Variants in PTPRG observed in about 807,000 individuals in gnomAD.
The protein encoded by PTPRG is protein tyrosine phosphatase receptor type G.
In PTPRG, 102 loss-of-function variants were observed where a neutral mutation model predicts 165.3. That is an observed-to-expected ratio of 0.62 (90% CI 0.53 to 0.73). The LOEUF is 0.73. Ranked by LOEUF, PTPRG falls within the 30% of genes least tolerant of loss-of-function variation. PTPRG has a pLI of 0.00. For synonymous variants in PTPRG, 675 were observed against 669.5 expected (o/e 1.01, Z -0.13); for missense variants, 1,866 against 1,861.4 (o/e 1.00, Z -0.05).
chr3:62,291,789 C>A (rs916067120), intron 28 of PTPRG, among the ~76,000 whole-genome samples: 2 of 152,118 alleles, frequency 1.3e-5, no homozygotes, highest in African/African-American at 4.8e-5. Flanking sequence ...GAGTTGCCAA[C>A]CTGGCCTGAT....
At chr3:62,149,092 C>G (rs1193370462) in intron 6 of PTPRG, among the ~76,000 whole-genome samples, 1 of 152,156 alleles carries the variant, frequency 6.6e-6, no homozygotes, top group Non-Finnish European at 1.5e-5. Flanking sequence ...TTGCAGATGG[C>G]CCTACTTTGC....
At chr3:61,911,491 A>G (rs565933943) in intron 2 of PTPRG, among the ~76,000 whole-genome samples, 23 of 152,236 alleles carry the variant, frequency 1.5e-4, no homozygotes, top group Non-Finnish European at 2.5e-4. Flanking sequence ...AATACATTTA[A>G]TTGCATTTTT....
intron 1 of PTPRG, among the ~76,000 whole-genome samples, chr3:61,675,802 A>G (rs1479797326): frequency 6.6e-6 from 1 of 152,192 alleles, no homozygotes; most frequent in African/African-American, 2.4e-5. Flanking sequence ...TTTTGCATAC[A>G]TTTTGAATTA....
At chr3:62,262,233 G>C (rs1053287268) in intron 16 of PTPRG, 1 of 152,288 alleles carries the variant, frequency 6.6e-6, no homozygotes, top group African/African-American at 2.4e-5. Flanking sequence ...TATGAGATAT[G>C]ACCATTAGTT....
chr3:61,885,347 T>A (rs1318551224), intron 2 of PTPRG, among the ~76,000 whole-genome samples: 1 of 152,062 alleles, frequency 6.6e-6, no homozygotes, highest in Non-Finnish European at 1.5e-5. Flanking sequence ...TGCTGAAGAT[T>A]ACAGAGGCAA....
At chr3:62,025,312 A>G (rs1320370883) in intron 4 of PTPRG, among the ~76,000 whole-genome samples, 1 of 152,168 alleles carries the variant, frequency 6.6e-6, no homozygotes, top group African/African-American at 2.4e-5. Flanking sequence ...TTTGCTTTAC[A>G]TTTTGCTTTG....
chr3:62,092,497 T>C (rs1487881963), intron 5 of PTPRG, among the ~76,000 whole-genome samples: 6 of 148,746 alleles, frequency 4.0e-5, no homozygotes, highest in Admixed American at 4.0e-4. Context: ...GGGGTTAATA[T>C]CCTCAATGCC....
At chr3:62,006,880 T>C (rs1026676004) in intron 4 of PTPRG, among the ~76,000 whole-genome samples, 2 of 152,210 alleles carry the variant, frequency 1.3e-5, no homozygotes, top group African/African-American at 4.8e-5. Flanking sequence ...GTGGTGAGAT[T>C]CTGGAGTGGA....
chr3:62,181,687 A>G (rs6791264), intron 8 of PTPRG, among the ~76,000 whole-genome samples: 16,242 of 152,206 alleles, frequency 0.11, 1,049 homozygotes, highest in East Asian at 0.35. Context: ...ATGGTTTTAG[A>G]TGCTTAAAAT....
intron 2 of PTPRG, among the ~76,000 whole-genome samples, chr3:61,946,705 C>T (rs1477490607): frequency 1.3e-5 from 2 of 152,210 alleles, no homozygotes; most frequent in Non-Finnish European, 2.9e-5. Context: ...GTGTCGCTTT[C>T]TGCATCAGTG....
At chr3:61,987,924 T>A (rs1169102549) in intron 2 of PTPRG, among the ~76,000 whole-genome samples, 5 of 152,174 alleles carry the variant, frequency 3.3e-5, no homozygotes, top group African/African-American at 4.8e-5. Context: ...GCTAAATATA[T>A]GGCAAATGCA....
At chr3:62,173,867 C>T (rs565428618) in intron 8 of PTPRG, among the ~76,000 whole-genome samples, 3 of 152,212 alleles carry the variant, frequency 2.0e-5, no homozygotes, top group African/African-American at 4.8e-5. Context: ...TCCAGCCTTT[C>T]GGTGCCAAGC....
At chr3:62,026,624 C>T (rs1026548952) in intron 4 of PTPRG, among the ~76,000 whole-genome samples, 3 of 152,242 alleles carry the variant, frequency 2.0e-5, no homozygotes, top group East Asian at 1.9e-4. Flanking sequence ...CGGTGGCTCA[C>T]GCCTGTAATT....
At chr3:62,159,083 G>T (rs1704645968) in intron 7 of PTPRG, among the ~76,000 whole-genome samples, 1 of 152,022 alleles carries the variant, frequency 6.6e-6, no homozygotes, top group Non-Finnish European at 1.5e-5. Flanking sequence ...TCAGCACTTT[G>T]GGAGGGTGAA....
chr3:62,148,346 G>T (rs1704199546), intron 6 of PTPRG, among the ~76,000 whole-genome samples: 1 of 152,108 alleles, frequency 6.6e-6, no homozygotes, highest in African/African-American at 2.4e-5. Context: ...GGCTGCAGTG[G>T]TAGACAGGTC....
intron 2 of PTPRG, among the ~76,000 whole-genome samples, chr3:61,859,698 T>C (rs1393995624): frequency 6.6e-6 from 1 of 152,072 alleles, no homozygotes; most frequent in Admixed American, 6.6e-5. Context: ...GACCCCCATA[T>C]TGAACTGCTG....
intron 1 of PTPRG, among the ~76,000 whole-genome samples, chr3:61,585,704 G>A (rs1575519502): frequency 6.6e-6 from 1 of 152,324 alleles, no homozygotes; most frequent in Admixed American, 6.5e-5. Context: ...CTGAGATGGT[G>A]CCACCACACT....
intron 3 of PTPRG, among the ~76,000 whole-genome samples, chr3:61,999,582 CTGT>C (rs1247129544): frequency 1.3e-5 from 2 of 152,106 alleles, no homozygotes; most frequent in Admixed American, 6.5e-5. Context: ...ACTTTTCCTG[CTGT>C]TGTTTTAATT....
intron 1 of PTPRG, among the ~76,000 whole-genome samples, chr3:61,599,660 T>C (rs1369160916): frequency 2.7e-5 from 2 of 73,896 alleles, no homozygotes; most frequent in African/African-American, 7.7e-5. Context: ...GCCTCCCTAA[T>C]TTTTTTTTTT....
Sources: allele counts gnomAD v4.1 joint callset (sites outside exome capture counted in the v4.1 genomes callset), GRCh38; gene constraint gnomAD v4.1.1; transcripts MANE v1.5; gene names NCBI Gene and HGNC (gene_info 2026-07-23, HGNC 2026-07-21).